Variants in ZEB2 observed in about 807,000 individuals in gnomAD.
ZEB2 encodes zinc finger E-box binding homeobox 2.
A neutral mutation model predicts 99.9 loss-of-function variants in ZEB2; 6 were observed. The ratio of observed to expected loss-of-function variants is 0.06; its 90% CI spans 0.03 to 0.12. ZEB2 has a LOEUF of 0.12. ZEB2 is among the 10% of genes least tolerant of loss of function. The pLI, the probability that ZEB2 is intolerant of heterozygous loss-of-function variation, is 1.00. For synonymous variants in ZEB2, 517 were observed against 542.5 expected (o/e 0.95, Z 0.65); for missense variants, 969 against 1,502.8 (o/e 0.64, Z 5.87).
intron 7 of ZEB2, 29 bp from the exon 8 acceptor site, chr2:144,400,299 A>G (rs1221822216): frequency 1.9e-6 from 3 of 1,596,960 alleles, no homozygotes; most frequent in South Asian, 2.2e-5. Flanking sequence ...TTACCGTTAC[A>G]TTTCCTTGAT....
chr2:144,480,320 T>A (rs1351022178), intron 2 of ZEB2, among the ~76,000 whole-genome samples: 1 of 152,190 alleles, frequency 6.6e-6, no homozygotes, highest in East Asian at 1.9e-4. Context: ...TTTGTTGTTG[T>A]GGAAATAAGT....
chr2:144,440,515 ATTTTTTTTTTTTTTTTTTTT>A (rs201944188), intron 2 of ZEB2, among the ~76,000 whole-genome samples: 21 of 32,822 alleles, frequency 6.4e-4, no homozygotes, highest in African/African-American at 1.5e-3. Flanking sequence ...ATATATATAT[ATTTTTTTTTTTTTTTTTTTT>A]TTTTTTTAAC....
chr2:144,401,161 A>G, intron 7 of ZEB2, 38 bp downstream of exon 7: 1 of 1,581,396 alleles, frequency 6.3e-7, no homozygotes, highest in South Asian at 1.1e-5. Context: ...CTAATTAAGT[A>G]AAATGCAAAT....
At chr2:144,507,754 T>C (rs1224916355) in intron 2 of ZEB2, among the ~76,000 whole-genome samples, 1 of 152,212 alleles carries the variant, frequency 6.6e-6, no homozygotes, top group Non-Finnish European at 1.5e-5. Context: ...TTCTCCTTTC[T>C]CTTTTCAGAT....
rs1703107815 is a variant in ZEB2, at chr2:144,388,059, G to T, written c.*1392C>A. ...TATTCGAGCATGGTCATTTTCAAAA[G>T]AAATTACAAATTGAAAATTCAATAA... On this transcript the variant is annotated 3_prime_UTR_variant, in exon 10 of 10. Coordinates refer to ENST00000627532, the MANE Select transcript of ZEB2 (RefSeq NM_014795.4). The surrounding 1 kb of genome is among the most constrained non-coding windows in gnomAD (Gnocchi z 5.4). The T allele has an allele frequency of 6.6e-6, 1 of 152,462 alleles. No individual in the cohort carries two copies. Among genetic ancestry groups the T allele is most frequent in the Admixed American group, 6.6e-5 (1 of 15,264 alleles). The allele number at this position is 152,462 out of a possible 1,614,324, so 9.4% of individuals were successfully genotyped here. A position where few individuals can be genotyped will look rare whatever the true frequency, so the allele number is the denominator to read the frequency against.
intron 2 of ZEB2, among the ~76,000 whole-genome samples, chr2:144,482,807 C>T (rs543742182): frequency 1.3e-3 from 190 of 151,160 alleles, no homozygotes; most frequent in Admixed American, 2.9e-3. Flanking sequence ...TTAGACTCTT[C>T]CCTCACCACC....
intron 2 of ZEB2, among the ~76,000 whole-genome samples, chr2:144,489,654 G>C (rs1408768696): frequency 1.3e-5 from 2 of 152,218 alleles, no homozygotes; most frequent in African/African-American, 4.8e-5. Context: ...TGTTCTAGTA[G>C]GGTAGCCATC....
At chr2:144,411,057 CTATA>C (rs4008310) in intron 4 of ZEB2, among the ~76,000 whole-genome samples, 4,924 of 40,596 alleles carry the variant, frequency 0.12, 165 homozygotes, top group African/African-American at 0.17. Flanking sequence ...ACAGACATGT[CTATA>C]TATATATATA....
At chr2:144,516,221 C>CT (rs1705137275) in intron 2 of ZEB2, 3 of 131,262 alleles carry the variant, frequency 2.3e-5, no homozygotes, top group Admixed American at 7.8e-5. Context: ...TCAGCTCCCC[C>CT]ACCCCCCCCC....
At chr2:144,461,575 CT>C (rs1428245560) in intron 2 of ZEB2, 2 of 152,172 alleles carry the variant, frequency 1.3e-5, no homozygotes, top group East Asian at 3.9e-4. Context: ...CTGTGTGCCT[CT>C]GTTTAAAGAG....
chr2:144,467,487 G>GA (rs372292137), intron 2 of ZEB2, among the ~76,000 whole-genome samples: 213 of 152,116 alleles, frequency 1.4e-3, no homozygotes, highest in African/African-American at 4.8e-3. Flanking sequence ...CACTGCCCAG[G>GA]AAAAAAATGC....
At chr2:144,401,486 A>G (rs1288184273) in intron 6 of ZEB2, among the ~76,000 whole-genome samples, 179 bp from the exon 7 acceptor site, 1 of 152,210 alleles carries the variant, frequency 6.6e-6, no homozygotes, top group Non-Finnish European at 1.5e-5. Flanking sequence ...ATAAAATTGG[A>G]ACAAATAAAA....
intron 3 of ZEB2, 179 bp from the exon 4 acceptor site, chr2:144,425,046 A>T (rs1389004835): frequency 1.6e-5 from 10 of 638,942 alleles, no homozygotes; most frequent in Admixed American, 2.7e-5. Context: ...CTAGCTGCAC[A>T]AGAACTTATT....
At chr2:144,410,113 G>A (rs544910877) in intron 4 of ZEB2, among the ~76,000 whole-genome samples, 152 of 151,978 alleles carry the variant, frequency 1.0e-3, no homozygotes, top group African/African-American at 3.5e-3. Context: ...GGGTTTCACC[G>A]TTAGCCAGGA....
At chr2:144,422,302 C>T (rs1245717573) in intron 4 of ZEB2, among the ~76,000 whole-genome samples, 1 of 152,188 alleles carries the variant, frequency 6.6e-6, no homozygotes, top group African/African-American at 2.4e-5. Context: ...TCCTAGGACT[C>T]TCTGATTCAG....
chr2:144,452,248 C>A (rs542337466), intron 2 of ZEB2, among the ~76,000 whole-genome samples: 19 of 152,190 alleles, frequency 1.2e-4, no homozygotes, highest in Non-Finnish European at 2.5e-4. Flanking sequence ...TTTGAATGTG[C>A]CACAAGTTTC....
chr2:144,450,541 C>T (rs1704042486), intron 2 of ZEB2: 2 of 152,104 alleles, frequency 1.3e-5, no homozygotes, highest in Admixed American at 6.6e-5. Flanking sequence ...TTATTAATTC[C>T]AGGTATACCA....
intron 2 of ZEB2, 26 bp downstream of exon 2, chr2:144,517,250 GAA>G: frequency 1.2e-6 from 2 of 1,613,128 alleles, no homozygotes; most frequent in African/African-American, 2.7e-5. Context: ...TAGTGGCCCG[GAA>G]AAGTTTGGTT....
rs1573739633 is a variant in ZEB2 at position 144,424,802 on chromosome 2, C to T, written c.397G>A (p.Gly133Ser). ...CGTGGCCAACATAACTCACCTGTAC[C>T]ATTGTTAATTGCGGTCTGGATCGTG... ...EATIQTAINN[G>S]TVKNANCTSD... Residue 133 changes from glycine (G) to serine (S), a missense_variant, in exon 4 of 10, where the codon GGT becomes AGT. Transcript: ENST00000627532. The T allele has an allele frequency of 6.2e-7, 1 of 1,613,926 alleles. No individual in the cohort carries two copies. The highest frequency in any genetic ancestry group is 1.3e-5 in the African/African-American group (1 of 74,908).
Sources: gnomAD v4.1 joint callset for allele counts (sites outside exome capture counted in the v4.1 genomes callset) on GRCh38, gnomAD v4.1.1 for gene constraint, Gnocchi (gnomAD v3.1) non-coding constraint, MANE v1.5 for transcripts, NCBI Gene and HGNC (gene_info 2026-07-23, HGNC 2026-07-21) for gene names.